Variants in NRXN3 observed in about 807,000 individuals in gnomAD.
NRXN3 encodes the protein neurexin III.
NRXN3 carries 32 observed loss-of-function variants against 137.6 expected under a neutral mutation model. That is an observed-to-expected ratio of 0.23 (90% CI 0.18 to 0.31). NRXN3 has a LOEUF of 0.31. Among genes scored for constraint, NRXN3 ranks in the 10% least tolerant of loss-of-function variants. The pLI, the probability that NRXN3 is intolerant of heterozygous loss-of-function variation, is 1.00. For missense variants in NRXN3, 1,574 were observed against 2,062.5 expected (o/e 0.76, Z 4.59); for synonymous variants, 798 against 784.5 (o/e 1.02, Z -0.29).
chr14:78,929,475 G>T (rs932757382), intron 10 of NRXN3, among the ~76,000 whole-genome samples: 1 of 152,088 alleles, frequency 6.6e-6, no homozygotes, highest in African/African-American at 2.4e-5. Context: ...TTCTGTTCCT[G>T]CATTAGTTTG....
At chr14:79,046,000 A>T (rs920932829) in intron 15 of NRXN3, among the ~76,000 whole-genome samples, 42 of 152,220 alleles carry the variant, frequency 2.8e-4, no homozygotes, top group Non-Finnish European at 4.4e-5. Flanking sequence ...TATCCTAATT[A>T]CCCTGATGTG....
At chr14:78,223,706 A>T (rs1052130368) in intron 1 of NRXN3, among the ~76,000 whole-genome samples, 1 of 152,122 alleles carries the variant, frequency 6.6e-6, no homozygotes, top group African/African-American at 2.4e-5. Flanking sequence ...TCCCTGAGGG[A>T]TAGGGGGACA....
At chr14:79,592,963 G>A (rs1047195853) in intron 16 of NRXN3, among the ~76,000 whole-genome samples, 1 of 152,138 alleles carries the variant, frequency 6.6e-6, no homozygotes, top group African/African-American at 2.4e-5. Context: ...TGAAAAATAA[G>A]CCATCAAGTA....
intron 15 of NRXN3, among the ~76,000 whole-genome samples, chr14:79,004,939 C>A (rs1350848750): frequency 6.6e-6 from 1 of 152,120 alleles, no homozygotes; most frequent in Non-Finnish European, 1.5e-5. Context: ...TCCCTTGTAG[C>A]CTTCTTCTCA....
chr14:79,073,306 G>A (rs1213392417), intron 15 of NRXN3, among the ~76,000 whole-genome samples: 2 of 152,154 alleles, frequency 1.3e-5, no homozygotes, highest in East Asian at 3.9e-4. Context: ...TCTACAGATA[G>A]AGTTTAGAAT....
intron 16 of NRXN3, among the ~76,000 whole-genome samples, chr14:79,586,492 C>A (rs1415132965): frequency 1.3e-5 from 2 of 152,160 alleles, no homozygotes; most frequent in Non-Finnish European, 2.9e-5. Flanking sequence ...TAGAAATTAA[C>A]CCTGAAAAAG....
At chr14:78,212,336 C>G (rs897667180) in intron 1 of NRXN3, among the ~76,000 whole-genome samples, 6 of 152,200 alleles carry the variant, frequency 3.9e-5, no homozygotes, top group Non-Finnish European at 5.9e-5. Flanking sequence ...CTGGCAGACA[C>G]TTGAGGGCAC....
intron 14 of NRXN3, among the ~76,000 whole-genome samples, chr14:78,973,934 GC>G (rs1350479579): frequency 6.6e-6 from 1 of 152,152 alleles, no homozygotes; most frequent in Non-Finnish European, 1.5e-5. Flanking sequence ...ATGCCATGTA[GC>G]TAACCAGTAC....
rs555025215 is a variant in NRXN3, at chr14:79,228,375, A to G, written c.3263-238846A>G. Among the ~76,000 whole-genome samples, 71 of 152,312 alleles carry G rather than the reference A, an allele frequency of 4.7e-4. 1 individual carries two copies. The South Asian group carries it at 0.014, about 30-fold the overall frequency. On this transcript the variant is annotated intron_variant, in intron 15 of 20. Transcript: ENST00000335750. ...AAAATCTAAAAAAAAATTAAAAATA[A>G]TCATTTGAGGAACTCTGTTAAATTT...
At chr14:79,614,446 G>T (rs2098134976) in intron 16 of NRXN3, among the ~76,000 whole-genome samples, 1 of 152,034 alleles carries the variant, frequency 6.6e-6, no homozygotes, top group Non-Finnish European at 1.5e-5. Flanking sequence ...TGACTGGATT[G>T]TCTTCTACCC....
chr14:78,340,519 G>T (rs1166320431), intron 4 of NRXN3, among the ~76,000 whole-genome samples: 1 of 152,114 alleles, frequency 6.6e-6, no homozygotes, highest in African/African-American at 2.4e-5. Flanking sequence ...AGATAGGCTG[G>T]GTTTCATCAA....
intron 15 of NRXN3, among the ~76,000 whole-genome samples, chr14:79,177,173 C>T (rs2062428242): frequency 6.6e-6 from 1 of 152,156 alleles, no homozygotes; most frequent in Non-Finnish European, 1.5e-5. Context: ...GAAGGTGCTA[C>T]ATAACTACAG....
chr14:79,819,833 C>G (rs574405961), intron 20 of NRXN3, among the ~76,000 whole-genome samples: 1 of 151,974 alleles, frequency 6.6e-6, no homozygotes, highest in Non-Finnish European at 1.5e-5. Context: ...AGATATGCCA[C>G]TATCTCAGAC....
intron 15 of NRXN3, among the ~76,000 whole-genome samples, chr14:79,173,566 A>T (rs976340478): frequency 1.3e-5 from 2 of 151,468 alleles, no homozygotes; most frequent in Non-Finnish European, 2.9e-5. Context: ...ACAATAAAAG[A>T]TATCATTGCC....
chr14:78,888,434 GT>G (rs1215278335), intron 10 of NRXN3, among the ~76,000 whole-genome samples: 5 of 151,370 alleles, frequency 3.3e-5, no homozygotes, highest in African/African-American at 1.2e-4. Context: ...GAAACTTATG[GT>G]TTGTTAGGGG....
intron 4 of NRXN3, chr14:78,614,875 C>G: frequency 8.9e-6 from 4 of 450,616 alleles, no homozygotes; most frequent in South Asian, 6.2e-5. Flanking sequence ...TGGTAATAGA[C>G]TAGCTGGGGG....
intron 16 of NRXN3, among the ~76,000 whole-genome samples, chr14:79,561,578 C>T (rs2097498096): frequency 6.6e-6 from 1 of 151,978 alleles, no homozygotes; most frequent in South Asian, 2.1e-4. Context: ...AGAATTTCTC[C>T]TTAGTTATAC....
intron 15 of NRXN3, among the ~76,000 whole-genome samples, chr14:79,050,577 G>A (rs1302665902): frequency 6.6e-6 from 1 of 152,340 alleles, no homozygotes; most frequent in East Asian, 1.9e-4. Context: ...TATGTACCAC[G>A]TGCTTTGAAA....
At chr14:79,776,897 A>G (rs919732016) in intron 19 of NRXN3, among the ~76,000 whole-genome samples, 1 of 152,202 alleles carries the variant, frequency 6.6e-6, no homozygotes, top group Non-Finnish European at 1.5e-5. Context: ...TTGGTTGTTC[A>G]TCTGATTCAA....
Sources: gnomAD v4.1 joint callset for allele counts (sites outside exome capture counted in the v4.1 genomes callset) on GRCh38, gnomAD v4.1.1 for gene constraint, MANE v1.5 for transcripts, NCBI Gene and HGNC (gene_info 2026-07-23, HGNC 2026-07-21) for gene names.